The following CRTAC1 variants were observed in gnomAD, a reference collection of about 807,000 sequenced individuals.
CRTAC1 encodes cartilage acidic protein 1.
In CRTAC1, 37 loss-of-function variants were observed where a neutral mutation model predicts 67.8. The observed-to-expected ratio is 0.55, with a 90% confidence interval of 0.42 to 0.72. The LOEUF (loss-of-function observed/expected upper bound fraction) is 0.72, where lower values mean the gene tolerates loss of function less well. Ranked by LOEUF, CRTAC1 falls within the 30% of genes least tolerant of loss-of-function variation. The probability of loss-of-function intolerance (pLI) is 0.00; values close to 1 mark genes in which losing one functional copy is unlikely to be tolerated. For synonymous variants in CRTAC1, 348 were observed against 371.0 expected (o/e 0.94, Z 0.71); for missense variants, 780 against 931.6 (o/e 0.84, Z 2.12).
In CRTAC1 at chr10:97,923,298, AAG is replaced by A; in HGVS notation, c.522_523del (p.Phe175CysfsTer27). The stretch of plus-strand genomic sequence containing the variant: ...CACACAGGCCACAGAGCGTCCGGCA[AAG>A]AGGCTGGCCACACCACGGGCCACGT... On this transcript the variant is annotated frameshift_variant, in exon 4 of 15. Coordinates refer to ENST00000370597, the MANE Select transcript of CRTAC1 (RefSeq NM_018058.7). LOFTEE classifies it high-confidence loss of function. 1 of 1,614,090 alleles carries A rather than the reference AAG, an allele frequency of 6.2e-7. No homozygotes were observed. The highest frequency in any genetic ancestry group is 8.5e-7 in the Non-Finnish European group (1 of 1,180,022).
intron 2 of CRTAC1, among the ~76,000 whole-genome samples, chr10:97,962,175 C>A (rs1197713999): frequency 6.6e-6 from 1 of 152,160 alleles, no homozygotes; most frequent in Non-Finnish European, 1.5e-5. Context: ...TTGGGGCTGT[C>A]TGCCAGTTTC....
chr10:97,917,425 A>T, intron 5 of CRTAC1, 75 bp downstream of exon 5: 1 of 1,249,168 alleles, frequency 8.0e-7, no homozygotes, highest in Non-Finnish European at 1.1e-6. Context: ...CTGATGAATT[A>T]GACTCAGCCT....
intron 2 of CRTAC1, among the ~76,000 whole-genome samples, chr10:97,964,371 G>T (rs1286809763): frequency 6.6e-6 from 1 of 152,214 alleles, no homozygotes; most frequent in Non-Finnish European, 1.5e-5. Flanking sequence ...GTGTGAGTTT[G>T]TCTTATTCAC....
intron 14 of CRTAC1, chr10:97,879,891 G>C (rs1047860679): frequency 8.4e-7 from 1 of 1,193,238 alleles, no homozygotes; most frequent in African/African-American, 1.6e-5. Flanking sequence ...AGTTTGGGAA[G>C]AAGAAATTAC....
chr10:97,933,448 C>T (rs151311606), intron 3 of CRTAC1, among the ~76,000 whole-genome samples: 61 of 152,368 alleles, frequency 4.0e-4, no homozygotes, highest in Admixed American at 1.6e-3. Context: ...TCAGGCCCAA[C>T]AGCTCATGCC....
At chr10:97,900,611 C>A (rs1385879897) in intron 8 of CRTAC1, among the ~76,000 whole-genome samples, 1 of 134,030 alleles carries the variant, frequency 7.5e-6, no homozygotes, top group East Asian at 2.2e-4. Flanking sequence ...ACCCCGTAGC[C>A]CCTTTTCCTG....
intron 5 of CRTAC1, among the ~76,000 whole-genome samples, chr10:97,915,157 C>T (rs1237841237): frequency 1.3e-5 from 2 of 152,234 alleles, no homozygotes; most frequent in Admixed American, 1.3e-4. Flanking sequence ...GGGTGCCAGC[C>T]TGGGGCTGTC....
intron 2 of CRTAC1, among the ~76,000 whole-genome samples, chr10:97,988,254 T>A (rs1172289779): frequency 6.6e-6 from 1 of 152,082 alleles, no homozygotes; most frequent in Non-Finnish European, 1.5e-5. Context: ...GATCCTCTCT[T>A]TTTTGGGGTG....
intron 2 of CRTAC1, among the ~76,000 whole-genome samples, chr10:98,000,997 A>G (rs1317622634): frequency 1.3e-5 from 2 of 152,242 alleles, no homozygotes; most frequent in African/African-American, 4.8e-5. Context: ...TATGGTAAAG[A>G]TAAACCTGGC....
chr10:98,024,502 G>A (rs1843185589), intron 1 of CRTAC1, among the ~76,000 whole-genome samples: 1 of 152,094 alleles, frequency 6.6e-6, no homozygotes, highest in African/African-American at 2.4e-5. Flanking sequence ...TGGAGGGAGG[G>A]GGCACATATC....
chr10:98,005,100 A>ATATTTTTTTTTTTTTTTTTTTTTTT, intron 2 of CRTAC1, among the ~76,000 whole-genome samples: 1 of 48,926 alleles, frequency 2.0e-5, no homozygotes. Flanking sequence ...ATATATATAT[A>ATATTTTTTTTTTTTTTTTTTTTTTT]TTTTTTTTTT....
intron 5 of CRTAC1, among the ~76,000 whole-genome samples, chr10:97,911,204 C>T (rs755114066): frequency 2.6e-5 from 4 of 152,256 alleles, no homozygotes; most frequent in Admixed American, 6.5e-5. Flanking sequence ...CTTGCCTCCA[C>T]GCAGCTCCAT....
At chr10:97,955,788 G>C (rs1483645921) in intron 2 of CRTAC1, among the ~76,000 whole-genome samples, 1 of 152,104 alleles carries the variant, frequency 6.6e-6, no homozygotes, top group African/African-American at 2.4e-5. Context: ...TGTGCCCAAG[G>C]GGTCCACATC....
chr10:97,942,928 CG>C (rs1455890346), intron 2 of CRTAC1, among the ~76,000 whole-genome samples: 2 of 151,610 alleles, frequency 1.3e-5, no homozygotes, highest in African/African-American at 4.9e-5. Flanking sequence ...AAAATTTAGC[CG>C]GGTGTGGTGG....
At chr10:97,929,352 G>C (rs1255049804) in intron 3 of CRTAC1, among the ~76,000 whole-genome samples, 2 of 152,130 alleles carry the variant, frequency 1.3e-5, no homozygotes, top group Non-Finnish European at 2.9e-5. Flanking sequence ...ACTAGAAAAG[G>C]GGAACAAGAG....
intron 2 of CRTAC1, among the ~76,000 whole-genome samples, chr10:98,002,927 C>A (rs538830141): frequency 7.3e-5 from 11 of 150,836 alleles, no homozygotes; most frequent in Admixed American, 7.3e-4. Flanking sequence ...TACAGGCGCC[C>A]GCCACCACAC....
intron 2 of CRTAC1, among the ~76,000 whole-genome samples, chr10:97,971,644 G>A (rs1198962827): frequency 2.0e-5 from 3 of 152,348 alleles, no homozygotes; most frequent in Middle Eastern, 3.4e-3. Flanking sequence ...CTTAAAGATG[G>A]TTAAGAAAGG....
chr10:97,936,459 A>G (rs1364850479), intron 2 of CRTAC1, 93 bp from the exon 3 acceptor site: 1 of 1,039,670 alleles, frequency 9.6e-7, no homozygotes, highest in African/African-American at 1.6e-5. Flanking sequence ...GTCCTCCCGG[A>G]CACGCCATGG....
At chr10:97,948,967 AT>A (rs2051307763) in intron 2 of CRTAC1, among the ~76,000 whole-genome samples, 1 of 152,208 alleles carries the variant, frequency 6.6e-6, no homozygotes, top group Non-Finnish European at 1.5e-5. Flanking sequence ...TAAAGACAGC[AT>A]GGGGGTAACT....
Sources: allele counts gnomAD v4.1 joint callset (sites outside exome capture counted in the v4.1 genomes callset), GRCh38; gene constraint gnomAD v4.1.1; transcripts MANE v1.5; gene names NCBI Gene and HGNC (gene_info 2026-07-23, HGNC 2026-07-21).